The following TIAM2 variants were observed in gnomAD, a reference collection of about 807,000 sequenced individuals.
TIAM2 encodes rho guanine nucleotide exchange factor TIAM2.
In TIAM2, 80 loss-of-function variants were observed where a neutral mutation model predicts 152.9. That is an observed-to-expected ratio of 0.52 (90% CI 0.44 to 0.63). The LOEUF is 0.63. TIAM2 is among the 30% of genes least tolerant of loss of function. TIAM2 has a pLI of 0.00. For missense variants in TIAM2, 1,965 were observed against 2,120.1 expected (o/e 0.93, Z 1.44); for synonymous variants, 804 against 838.0 (o/e 0.96, Z 0.70).
intron 1 of TIAM2, among the ~76,000 whole-genome samples, chr6:155,065,964 GTATT>G (rs1777684880): frequency 6.6e-6 from 1 of 152,094 alleles, no homozygotes; most frequent in South Asian, 2.1e-4. Context: ...GTATTTGGAG[GTATT>G]TGGAGGTATA....
chr6:155,136,151 G>C (rs967584513), intron 4 of TIAM2, among the ~76,000 whole-genome samples: 3 of 142,326 alleles, frequency 2.1e-5, no homozygotes, highest in South Asian at 4.5e-4. Flanking sequence ...CCAAGATTGC[G>C]CCATTGCACT....
At chr6:155,121,777 G>C (rs942319845) in intron 2 of TIAM2, 1 of 152,188 alleles carries the variant, frequency 6.6e-6, no homozygotes, top group Admixed American at 6.6e-5. Flanking sequence ...TAGCACTTGC[G>C]CTTCCTCTCA....
chr6:155,049,626 C>T (rs913278741), intron 1 of TIAM2, among the ~76,000 whole-genome samples: 6 of 152,050 alleles, frequency 3.9e-5, no homozygotes, highest in Non-Finnish European at 5.9e-5. Context: ...CCAGTCTGTT[C>T]TAACCCCATG....
At chr6:155,063,607 C>T (rs1251458318) in intron 1 of TIAM2, among the ~76,000 whole-genome samples, 1 of 151,896 alleles carries the variant, frequency 6.6e-6, no homozygotes, top group East Asian at 1.9e-4. Flanking sequence ...CATGGTGAAA[C>T]CCCGTCTCTA....
At chr6:155,006,699 A>G (rs1583147148) in intron 1 of TIAM2, among the ~76,000 whole-genome samples, 1 of 147,158 alleles carries the variant, frequency 6.8e-6, no homozygotes, top group Non-Finnish European at 1.5e-5. Context: ...AAAAAAAAAG[A>G]AAAAAAAAAG....
chr6:155,157,780 A>T (rs1223392688), intron 7 of TIAM2, among the ~76,000 whole-genome samples: 4 of 152,186 alleles, frequency 2.6e-5, no homozygotes, highest in Non-Finnish European at 5.9e-5. Flanking sequence ...GGTAAATCAG[A>T]TGGTGCTTTG....
intron 1 of TIAM2, among the ~76,000 whole-genome samples, chr6:155,012,629 C>T (rs941619434): frequency 2.6e-5 from 4 of 152,206 alleles, no homozygotes; most frequent in African/African-American, 7.2e-5. Context: ...TGGCTCACTG[C>T]ACCCTCTACC....
chr6:155,151,133 A>G (rs1158901386), intron 7 of TIAM2, among the ~76,000 whole-genome samples: 1 of 152,206 alleles, frequency 6.6e-6, no homozygotes, highest in African/African-American at 2.4e-5. Flanking sequence ...CATTCAGTCA[A>G]GGAGATGGCA....
At chr6:155,154,950 A>G (rs548399639) in intron 7 of TIAM2, among the ~76,000 whole-genome samples, 2 of 152,338 alleles carry the variant, frequency 1.3e-5, no homozygotes, top group South Asian at 4.1e-4. Context: ...TTTGAGGAAA[A>G]TACGAGGATA....
Position 155,105,343 on chromosome 6 carries a change from G to GTAATTT in TIAM2, c.-118+14965_-118+14966insAATTTT, listed in dbSNP as rs1385864666. Reference sequence around the variant, plus strand: ...TTTTTGTATTTTTAGTAGAGACGAGGTTTCACTGTGTTGGCCAGGCTGATC... The same window carrying GTAATTT: ...TTTTTGTATTTTTAGTAGAGACGAGGTAATTTTTTCACTGTGTTGGCCAGGCTGATC... On this transcript the variant is annotated intron_variant, in intron 2 of 26. Transcript: ENST00000682666. Among the ~76,000 whole-genome samples the GTAATTT allele has an allele frequency of 6.0e-3, 921 of 152,274 alleles. 11 individuals are homozygous for GTAATTT. Among genetic ancestry groups the GTAATTT allele is most frequent in the African/African-American group, 0.02 (830 of 41,548 alleles).
chr6:155,070,945 G>A (rs74500814), intron 1 of TIAM2, among the ~76,000 whole-genome samples: 5,714 of 152,138 alleles, frequency 0.038, 371 homozygotes, highest in African/African-American at 0.13. Context: ...GTCAAAGTGG[G>A]TCGTTCACTT....
rs781150338 is a variant in TIAM2 at position 155,251,930 on chromosome 6, T to G, written c.4061-15T>G. The G allele has an allele frequency of 1.9e-6, 3 of 1,590,904 alleles. No individual in the cohort carries two copies. Among genetic ancestry groups the G allele is most frequent in the African/African-American group, 1.4e-5 (1 of 73,902 alleles). On this transcript the variant is annotated splice_polypyrimidine_tract_variant and intron_variant, in intron 22 of 26. Coordinates refer to ENST00000682666, the MANE Select transcript of TIAM2 (RefSeq NM_012454.4). ...GCATAAAATAAAGACTTTCTTTCTC[T>G]TTTCCTTTCTTTAGTTTTTAAGAGA... is the stretch of plus-strand genomic sequence containing the variant.
At position 155,148,207 on chromosome 6, in the gene TIAM2, G is replaced by A. The variant is rs138017039; in HGVS notation, c.1901G>A (p.Arg634Gln). Residue 634 changes from arginine (R) to glutamine (Q), a missense_variant, in exon 7 of 27, where the codon CGG (arginine) becomes CAG (glutamine). By Grantham distance (43) the Arg-to-Gln change is conservative. This residue lies in a region of TIAM2 where 1,025 missense variants were observed against 1,119.4 expected (regional missense o/e 0.92). Coordinates refer to ENST00000682666, the MANE Select transcript of TIAM2 (RefSeq NM_012454.4). Reference sequence around the variant, plus strand: ...AAGCATGGGAAAGAGGACACGCTGCGGCTGCTGAAGAACCAGACCAAAAAC... The same window carrying A: ...AAGCATGGGAAAGAGGACACGCTGCAGCTGCTGAAGAACCAGACCAAAAAC... ...AKKHGKEDTL[R>Q]LLKNQTKNLL... 3.6e-4 allele frequency: 582 copies of A among 1,613,088 alleles called. 3 individuals are homozygous for A. Among genetic ancestry groups the A allele is most frequent in the Middle Eastern group, 7.5e-4 (4 of 5,352 alleles).
intron 1 of TIAM2, among the ~76,000 whole-genome samples, chr6:155,010,359 T>C (rs1778465689): frequency 6.6e-6 from 1 of 152,178 alleles, no homozygotes; most frequent in Non-Finnish European, 1.5e-5. Flanking sequence ...AGAAAAGAAA[T>C]GGGGTAAAGG....
rs148665584 is a variant in TIAM2, at chr6:155,195,859, C to T, written c.3064+12359C>T. The stretch of plus-strand genomic sequence containing the variant: ...ATGTGCCCCGATGTGGCCTGTTTTT[C>T]GGCAGGTGTGCCTGGAAGGGCAAGG... On this transcript the variant is annotated intron_variant, in intron 14 of 26. Coordinates refer to ENST00000682666, the MANE Select transcript of TIAM2 (RefSeq NM_012454.4). Among the ~76,000 whole-genome samples the T allele has an allele frequency of 4.2e-3, 642 of 152,250 alleles. 7 individuals carry two copies. The highest frequency in any genetic ancestry group is 0.021 in the Admixed American group (322 of 15,300).
rs1022294500 is a variant in TIAM2 at position 155,028,410 on chromosome 6, T to C, written c.-209+32918T>C. Among the ~76,000 whole-genome samples, 6 of 136,390 alleles carry C rather than the reference T, an allele frequency of 4.4e-5. 1 individual carries two copies. The Admixed American group carries it at 4.7e-4, about 11-fold the overall frequency. 89.5% of individuals were successfully genotyped at this position (136,390 alleles called of 152,430 possible). A position where few individuals can be genotyped will look rare whatever the true frequency, so the allele number is the denominator to read the frequency against. ...ATATATACTACATATATATACTGTG[T>C]TACATATACTACATATAATATATAT... is the stretch of plus-strand genomic sequence containing the variant. On this transcript the variant is annotated intron_variant, in intron 1 of 26. Transcript: ENST00000682666.
intron 1 of TIAM2, among the ~76,000 whole-genome samples, chr6:155,065,593 C>T (rs1021500135): frequency 1.3e-5 from 2 of 151,912 alleles, no homozygotes; most frequent in Non-Finnish European, 2.9e-5. Flanking sequence ...GCCTGGCCAA[C>T]GTGGCAAAAC....
intron 1 of TIAM2, among the ~76,000 whole-genome samples, chr6:155,070,057 C>T (rs527745600): frequency 5.6e-4 from 84 of 150,952 alleles, no homozygotes; most frequent in Non-Finnish European, 1.0e-3. Flanking sequence ...CAGGCGTCTA[C>T]CACCACACCC....
At chr6:155,131,392 A>G (rs1779441988) in intron 4 of TIAM2, among the ~76,000 whole-genome samples, 1 of 152,006 alleles carries the variant, frequency 6.6e-6, no homozygotes, top group African/African-American at 2.4e-5. Flanking sequence ...AATTCCTGAA[A>G]GAATTGGTTA....
Sources: gnomAD v4.1 joint callset for allele counts (sites outside exome capture counted in the v4.1 genomes callset) on GRCh38, gnomAD v4.1.1 for gene constraint, gnomAD v4.1.1 regional missense constraint, MANE v1.5 for transcripts, NCBI Gene and HGNC (gene_info 2026-07-23, HGNC 2026-07-21) for gene names.